The following RNF6 variants were observed in gnomAD, a reference collection of about 807,000 sequenced individuals.
The protein encoded by RNF6 is E3 ubiquitin-protein ligase RNF6.
In RNF6, 21 loss-of-function variants were observed where a neutral mutation model predicts 50.1. The observed-to-expected ratio is 0.42, with a 90% CI of 0.30 to 0.60. The LOEUF (loss-of-function observed/expected upper bound fraction) is 0.60. Among genes scored for constraint, RNF6 ranks in the 20% least tolerant of loss-of-function variants. The probability of loss-of-function intolerance (pLI) is 0.20; values close to 1 mark genes in which losing one functional copy is unlikely to be tolerated. For missense variants in RNF6, 698 were observed against 838.2 expected (o/e 0.83, Z 2.07); for synonymous variants, 255 against 291.8 (o/e 0.87, Z 1.29).
At chr13:26,144,410 C>A (rs548867025) in intron 5 of RNF6, among the ~76,000 whole-genome samples, 2 of 150,434 alleles carry the variant, frequency 1.3e-5, no homozygotes, top group Non-Finnish European at 2.9e-5. Flanking sequence ...TCAGAGAGGT[C>A]TACCCACATA....
chr13:26,216,219 A>C (rs1235929568), intron 4 of RNF6, among the ~76,000 whole-genome samples: 6 of 152,346 alleles, frequency 3.9e-5, no homozygotes, highest in African/African-American at 1.2e-4. Context: ...CCTTGTCTAT[A>C]AACTGGAGTT....
intron 5 of RNF6, among the ~76,000 whole-genome samples, chr13:26,136,194 A>G (rs757552184): frequency 1.2e-4 from 19 of 152,308 alleles, no homozygotes; most frequent in Admixed American, 3.3e-4. Context: ...CCTAAAATTC[A>G]TCTTGCAGAG....
intron 5 of RNF6, among the ~76,000 whole-genome samples, chr13:26,165,099 C>CA (rs1374714144): frequency 6.6e-6 from 1 of 152,166 alleles, no homozygotes; most frequent in East Asian, 1.9e-4. Flanking sequence ...GTCCATGGTT[C>CA]CTATGCTGTG....
chr13:26,136,833 A>G (rs760836495), intron 5 of RNF6, among the ~76,000 whole-genome samples: 26 of 152,180 alleles, frequency 1.7e-4, no homozygotes, highest in Non-Finnish European at 3.7e-4. Flanking sequence ...CAATGAGAAA[A>G]CTGGCAAAAG....
intron 5 of RNF6, among the ~76,000 whole-genome samples, chr13:26,196,297 G>A (rs1868658273): frequency 2.0e-5 from 3 of 152,126 alleles, no homozygotes; most frequent in Admixed American, 6.6e-5. Flanking sequence ...GAAAAAAAAT[G>A]TCAACCCAGA....
At chr13:26,138,052 C>A (rs189265831) in intron 5 of RNF6, among the ~76,000 whole-genome samples, 2 of 152,032 alleles carry the variant, frequency 1.3e-5, no homozygotes, top group African/African-American at 2.4e-5. Context: ...CACACCTAAA[C>A]AAATTGTAAT....
intron 5 of RNF6, among the ~76,000 whole-genome samples, chr13:26,160,539 TTCTTC>T (rs3058499): frequency 0.54 from 56,703 of 105,386 alleles, 14,143 homozygotes; most frequent in South Asian, 0.65. Context: ...TCTTCTCTTC[TTCTTC>T]TTTTTTTTTT....
At chr13:26,149,718 A>G (rs1034414945) in intron 5 of RNF6, among the ~76,000 whole-genome samples, 4 of 151,340 alleles carry the variant, frequency 2.6e-5, no homozygotes, top group African/African-American at 9.7e-5. Flanking sequence ...TATGGGAGGG[A>G]GTAGAGCAAA....
intron 5 of RNF6, among the ~76,000 whole-genome samples, chr13:26,175,142 G>A (rs146862072): frequency 3.3e-5 from 5 of 152,176 alleles, no homozygotes; most frequent in East Asian, 1.9e-4. Flanking sequence ...GTGCAATGGC[G>A]TGATCTCGGC....
chr13:26,155,104 A>G (rs1871843680), intron 5 of RNF6, among the ~76,000 whole-genome samples: 1 of 152,026 alleles, frequency 6.6e-6, no homozygotes, highest in Non-Finnish European at 1.5e-5. Context: ...AAGAGACATC[A>G]ATTCTTCTCC....
chr13:26,216,880 G>A (rs962782815), intron 4 of RNF6, among the ~76,000 whole-genome samples: 6 of 152,104 alleles, frequency 3.9e-5, no homozygotes, highest in South Asian at 4.1e-4. Flanking sequence ...GCTTGAACCC[G>A]GGAGGCAGAG....
chr13:26,169,453 G>T (rs2137629155), intron 5 of RNF6, among the ~76,000 whole-genome samples: 1 of 152,300 alleles, frequency 6.6e-6, no homozygotes. Context: ...GGTCCCCTCA[G>T]CTTGGCTTAA....
intron 5 of RNF6, among the ~76,000 whole-genome samples, chr13:26,154,575 A>C (rs1871804472): frequency 6.6e-6 from 1 of 152,228 alleles, no homozygotes; most frequent in South Asian, 2.1e-4. Flanking sequence ...ACTGGTATTT[A>C]TCTAGGTGCT....
chr13:26,135,833 A>G (rs1027369579), intron 5 of RNF6, among the ~76,000 whole-genome samples: 2 of 152,110 alleles, frequency 1.3e-5, no homozygotes, highest in South Asian at 2.1e-4. Context: ...TTTTCACTCT[A>G]TAATTTCGTT....
At chr13:26,157,026 A>C (rs770492602) in intron 5 of RNF6, among the ~76,000 whole-genome samples, 3 of 152,140 alleles carry the variant, frequency 2.0e-5, no homozygotes, top group Non-Finnish European at 4.4e-5. Flanking sequence ...TAAAACAAAA[A>C]AGAATGCCTA....
chr13:26,140,463 G>GC (rs760103590), intron 5 of RNF6, among the ~76,000 whole-genome samples: 59 of 152,198 alleles, frequency 3.9e-4, no homozygotes, highest in East Asian at 1.9e-4. Context: ...CATGATAAAA[G>GC]CATCAACAAA....
rs185853251 is a variant in RNF6 at position 26,176,828 on chromosome 13, G to A, written n.768+38646C>T. On this transcript the variant is annotated intron_variant and non_coding_transcript_variant, in intron 5 of 5. Coordinates refer to the RNF6 transcript ENST00000468480. ...ACATGCCTGTAATCCCAGCTACTCA[G>A]GAGGCTGAGGCAGGAGAATCACTTG... Among the ~76,000 whole-genome samples, 248 of 152,310 alleles carry A rather than the reference G, an allele frequency of 1.6e-3. 3 individuals are homozygous for A. Among genetic ancestry groups the A allele is most frequent in the Middle Eastern group, 6.8e-3 (2 of 294 alleles).
intron 5 of RNF6, among the ~76,000 whole-genome samples, chr13:26,136,340 T>C (rs1273012897): frequency 6.6e-6 from 1 of 152,210 alleles, no homozygotes; most frequent in East Asian, 1.9e-4. Flanking sequence ...TTTTCTAAAA[T>C]GGGTCCATTA....
chr13:26,180,169 A>G (rs931151649), intron 5 of RNF6, among the ~76,000 whole-genome samples: 1 of 152,138 alleles, frequency 6.6e-6, no homozygotes, highest in African/African-American at 2.4e-5. Flanking sequence ...GTTGGCCCCA[A>G]ATAGCTCCAG....
Sources: gnomAD v4.1 joint callset for allele counts (sites outside exome capture counted in the v4.1 genomes callset) on GRCh38, gnomAD v4.1.1 for gene constraint, MANE v1.5 for transcripts, NCBI Gene and HGNC (gene_info 2026-07-23, HGNC 2026-07-21) for gene names.